Variants in PTPRN2 observed in about 807,000 individuals in gnomAD.
PTPRN2 encodes protein tyrosine phosphatase receptor type N2.
PTPRN2 carries 74 observed loss-of-function variants against 118.8 expected under a neutral mutation model. The observed-to-expected ratio is 0.62, with a 90% confidence interval of 0.52 to 0.76. The LOEUF (loss-of-function observed/expected upper bound fraction) is 0.76, where lower values mean the gene tolerates loss of function less well. PTPRN2 is among the 30% of genes least tolerant of loss of function. The pLI, the probability that PTPRN2 is intolerant of heterozygous loss-of-function variation, is 0.00. For synonymous variants in PTPRN2, 641 were observed against 608.0 expected (o/e 1.05, Z -0.80); for missense variants, 1,481 against 1,394.4 (o/e 1.06, Z -0.99).
intron 13 of PTPRN2, among the ~76,000 whole-genome samples, chr7:157,677,641 C>A (rs1161436227): frequency 6.6e-6 from 1 of 152,170 alleles, no homozygotes; most frequent in Non-Finnish European, 1.5e-5. Flanking sequence ...ATGGAGCCTG[C>A]AGAAACCAAG....
At chr7:157,571,547 T>C in intron 19 of PTPRN2, 54 bp from the exon 20 acceptor site, 1 of 1,371,764 alleles carries the variant, frequency 7.3e-7, no homozygotes, top group Non-Finnish European at 1.0e-6. Flanking sequence ...CTTTGCGTTA[T>C]CCAAAACAAC....
chr7:158,549,510 C>T (rs1209710412), intron 1 of PTPRN2, among the ~76,000 whole-genome samples: 2 of 152,260 alleles, frequency 1.3e-5, no homozygotes, highest in Admixed American at 6.5e-5. Flanking sequence ...AGGTAAAATT[C>T]CCGTAAGCTA....
intron 3 of PTPRN2, among the ~76,000 whole-genome samples, chr7:158,311,121 G>A (rs1586203163): frequency 6.6e-6 from 1 of 152,196 alleles, no homozygotes; most frequent in East Asian, 1.9e-4. Flanking sequence ...GGGCAAGGAG[G>A]AGGCAGAACC....
intron 2 of PTPRN2, among the ~76,000 whole-genome samples, chr7:158,372,525 C>A (rs1294713239): frequency 6.7e-6 from 1 of 148,448 alleles, no homozygotes; most frequent in South Asian, 2.2e-4. Context: ...CGGAGCTGGT[C>A]CCCCCATGCT....
intron 16 of PTPRN2, among the ~76,000 whole-genome samples, chr7:157,601,519 T>C (rs1159427433): frequency 2.0e-5 from 3 of 152,226 alleles, no homozygotes; most frequent in Non-Finnish European, 4.4e-5. Flanking sequence ...TTCTCCCTCC[T>C]GGCCTTGCCT....
intron 11 of PTPRN2, among the ~76,000 whole-genome samples, chr7:157,994,619 C>A (rs1804548306): frequency 1.3e-5 from 2 of 148,818 alleles, no homozygotes; most frequent in South Asian, 4.3e-4. Flanking sequence ...CTTACAACTC[C>A]TGGTTCCTAA....
chr7:158,096,246 G>A (rs1814619392), intron 10 of PTPRN2, among the ~76,000 whole-genome samples: 1 of 152,142 alleles, frequency 6.6e-6, no homozygotes, highest in African/African-American at 2.4e-5. Context: ...AGAATTGTAA[G>A]AGTCTCAAGA....
At chr7:158,445,899 C>A (rs1817690585) in intron 2 of PTPRN2, among the ~76,000 whole-genome samples, 1 of 152,366 alleles carries the variant, frequency 6.6e-6, no homozygotes, top group Middle Eastern at 3.4e-3. Flanking sequence ...CTCAGACCAC[C>A]CCATGTGAGA....
chr7:158,131,691 T>A (rs1213164203), intron 9 of PTPRN2, among the ~76,000 whole-genome samples: 2 of 115,880 alleles, frequency 1.7e-5, no homozygotes, highest in Non-Finnish European at 3.5e-5. Flanking sequence ...CACACACTCA[T>A]ACACACATGC....
In PTPRN2 at chr7:158,286,239, A is replaced by G. The variant is rs1190602026; in HGVS notation, c.277+30580T>C. ...CAAATTTACTGAATTTATTAGCTCT[A>G]ACAGTGTTTTTGGTGGCATCTTTAG... On this transcript the variant is annotated intron_variant, in intron 3 of 22. Coordinates refer to ENST00000389418, the MANE Select transcript of PTPRN2 (RefSeq NM_002847.5). Among the ~76,000 whole-genome samples, 3 of 152,202 alleles carry G rather than the reference A, an allele frequency of 2.0e-5. No homozygotes were observed. In the East Asian group the frequency reaches 5.8e-4, roughly 29 times the overall value.
intron 13 of PTPRN2, among the ~76,000 whole-genome samples, chr7:157,657,934 C>T (rs1357738744): frequency 7.6e-6 from 1 of 131,672 alleles, no homozygotes; most frequent in African/African-American, 2.8e-5. Flanking sequence ...GCAGACACAC[C>T]ACACACACAC....
chr7:158,004,744 C>A (rs1805526999), intron 11 of PTPRN2, among the ~76,000 whole-genome samples: 1 of 152,186 alleles, frequency 6.6e-6, no homozygotes, highest in African/African-American at 2.4e-5. Flanking sequence ...CTCCTTCAAG[C>A]AAATGCATGT....
chr7:158,340,432 C>A (rs1206740813), intron 2 of PTPRN2, among the ~76,000 whole-genome samples: 1 of 47,872 alleles, frequency 2.1e-5, no homozygotes, highest in Non-Finnish European at 5.0e-5. Context: ...CACACACTCT[C>A]ACCGTAAGAG....
At chr7:158,491,258 A>G (rs1821422138) in intron 1 of PTPRN2, among the ~76,000 whole-genome samples, 1 of 152,188 alleles carries the variant, frequency 6.6e-6, no homozygotes, top group African/African-American at 2.4e-5. Flanking sequence ...AGCCTTCCAC[A>G]GTTGCAGGGC....
chr7:158,036,417 A>G (rs1180157284), intron 11 of PTPRN2, among the ~76,000 whole-genome samples: 2 of 152,208 alleles, frequency 1.3e-5, no homozygotes, highest in Non-Finnish European at 2.9e-5. Flanking sequence ...GTTTCCTCCT[A>G]TGCGGATTTT....
chr7:157,995,818 A>G (rs184844445), intron 11 of PTPRN2, among the ~76,000 whole-genome samples: 1 of 152,378 alleles, frequency 6.6e-6, no homozygotes, highest in African/African-American at 2.4e-5. Flanking sequence ...TTTAAGCAAA[A>G]GTAGACTACC....
At chr7:158,577,496 G>A (rs574756400) in intron 1 of PTPRN2, among the ~76,000 whole-genome samples, 1 of 145,486 alleles carries the variant, frequency 6.9e-6, no homozygotes, top group African/African-American at 2.6e-5. Flanking sequence ...AACACTGAGG[G>A]CTCCCCACCC....
chr7:157,784,663 G>A lies in PTPRN2; in HGVS notation c.1789-101726C>T, dbSNP rs1803907293. Among the ~76,000 whole-genome samples, 1 of 126,892 alleles carries A rather than the reference G, an allele frequency of 7.9e-6. No individual in the cohort carries two copies. The highest frequency in any genetic ancestry group is 1.8e-5 in the Non-Finnish European group (1 of 56,086). 83.2% of individuals were successfully genotyped at this position (126,892 alleles called of 152,430 possible). On this transcript the variant is annotated intron_variant, in intron 12 of 22. Transcript: ENST00000389418. This position sits in a 1 kb window ranked among gnomAD's most constrained non-coding sequence, Gnocchi z 4.6. ...GGGCTGGGCTGATCCCGTATGAAAC[G>A]GGCAGGGGCTGGGCTGATCCCGTAT...
chr7:157,802,335 C>T (rs1185255663), intron 12 of PTPRN2, among the ~76,000 whole-genome samples: 2 of 152,204 alleles, frequency 1.3e-5, no homozygotes, highest in Non-Finnish European at 2.9e-5. Context: ...GTCGTGCAGC[C>T]TCTGTCCTGG....
Sources: gnomAD v4.1 joint callset for allele counts (sites outside exome capture counted in the v4.1 genomes callset) on GRCh38, gnomAD v4.1.1 for gene constraint, Gnocchi (gnomAD v3.1) non-coding constraint, MANE v1.5 for transcripts, NCBI Gene and HGNC (gene_info 2026-07-23, HGNC 2026-07-21) for gene names.